Variants in TRIM50 observed in about 807,000 individuals in gnomAD.
TRIM50 encodes the protein E3 ubiquitin-protein ligase TRIM50.
In TRIM50, 34 loss-of-function variants were observed where a neutral mutation model predicts 44.9. That is an observed-to-expected ratio of 0.76 (90% CI 0.58 to 1.01). The LOEUF is 1.01. Ranked by LOEUF, TRIM50 falls within the 50% of genes least tolerant of loss-of-function variation. TRIM50 has a pLI of 0.00. For synonymous variants in TRIM50, 307 were observed against 291.1 expected (o/e 1.05, Z -0.56); for missense variants, 633 against 663.7 (o/e 0.95, Z 0.51).
At chr7:73,316,823 C>A in intron 5 of TRIM50, 134 bp from the exon 6 acceptor site, 2 of 1,352,994 alleles carry the variant, frequency 1.5e-6, no homozygotes, top group Non-Finnish European at 2.0e-6. Flanking sequence ...TGCCCATCAT[C>A]CCCTCCCCTG....
intron 1 of TRIM50, among the ~76,000 whole-genome samples, chr7:73,325,014 ATGTGTGTGTGTGTGTGTG>A (rs3040867): frequency 7.7e-5 from 11 of 142,034 alleles, no homozygotes; most frequent in South Asian, 2.4e-4. Flanking sequence ...CCTTGAAGAT[ATGTGTGTGTGTGTGTGTG>A]TGTGTGTGTG....
chr7:73,324,516 T>C lies in TRIM50; in HGVS notation c.272A>G (p.His91Arg), dbSNP rs782184331. 1.2e-6 allele frequency: 2 copies of C among 1,613,714 alleles called. No individual in the cohort carries two copies. The highest frequency in any genetic ancestry group is 1.3e-5 in the African/African-American group (1 of 74,882). Reference sequence around the variant, plus strand: ...GAAAAGGCTGAGCGGGTTCCGGTGGTGCACGCAGACCTTGGGCTCCGGGTC... The same window carrying C: ...GAAAAGGCTGAGCGGGTTCCGGTGGCGCACGCAGACCTTGGGCTCCGGGTC... Reference protein sequence around the residue: ...PGDPEPKVCVHHRNPLSLFCE... With the variant: ...PGDPEPKVCVRHRNPLSLFCE... The change falls in exon 2 of 7, where the codon CAC (histidine) becomes CGC (arginine). Residue 91 changes from histidine (H) to arginine (R), a missense_variant. Coordinates refer to ENST00000333149, the MANE Select transcript of TRIM50 (RefSeq NM_178125.3).
intron 5 of TRIM50, among the ~76,000 whole-genome samples, chr7:73,317,288 A>T (rs1804385480): frequency 6.6e-6 from 1 of 151,532 alleles, no homozygotes; most frequent in African/African-American, 2.4e-5. Context: ...TCCTGAGCTC[A>T]AGCAATCCAC....
chr7:73,320,879 C>T (rs1388295769), intron 2 of TRIM50, among the ~76,000 whole-genome samples: 1 of 151,402 alleles, frequency 6.6e-6, no homozygotes, highest in Non-Finnish European at 1.5e-5. Context: ...ACAAAATTAG[C>T]CAGGCGTGGT....
intron 3 of TRIM50, among the ~76,000 whole-genome samples, chr7:73,319,272 G>A (rs1804437631): frequency 6.6e-6 from 1 of 152,156 alleles, no homozygotes; most frequent in South Asian, 2.1e-4. Context: ...GTTTCAAATG[G>A]AGAGGCTCTG....
rs868940749 is a variant in TRIM50 at position 73,313,456 on chromosome 7, G to A, written c.929C>T (p.Ser310Phe). Residue 310 changes from serine to phenylalanine, a missense_variant, in exon 7 of 7, where the codon TCC becomes TTC. Coordinates refer to ENST00000333149, the MANE Select transcript of TRIM50 (RefSeq NM_178125.3). The surrounding 1 kb of genome is among the most constrained non-coding windows in gnomAD (Gnocchi z 4.9). ...GCACTGCACCACCGTGTTGCCCTTG[G>A]AGAGCTCCAGGAGTGGGTGGGCAGT... The part of the protein sequence containing the change: ...PATAHPLLEL[S>F]KGNTVVQCGL... 1 of 1,551,010 alleles carries A rather than the reference G, an allele frequency of 6.4e-7. No homozygotes were observed. Among genetic ancestry groups the A allele is most frequent in the Non-Finnish European group, 8.7e-7 (1 of 1,153,970 alleles).
At chr7:73,323,025 A>C (rs1554545298) in intron 2 of TRIM50, among the ~76,000 whole-genome samples, 3 of 152,076 alleles carry the variant, frequency 2.0e-5, no homozygotes, top group African/African-American at 7.2e-5. Flanking sequence ...CTTGCCACAC[A>C]CAGTTGTCAG....
chr7:73,313,116 G>T lies in TRIM50; in HGVS notation c.1269C>A (p.Gly423=). ...GGTCGGCATCGAAGAAGGTGAGTTCGCCCTGCTCATAGTGCAGGTAGAGCC... is the reference window on the plus strand; with the variant it reads ...GGTCGGCATCGAAGAAGGTGAGTTCTCCCTGCTCATAGTGCAGGTAGAGCC... ...RIGLYLHYEQ[G]ELTFFDADRP... The change falls in exon 7 of 7, where the codon GGC becomes GGA. Residue 423 remains glycine, a synonymous_variant. Transcript: ENST00000333149. This position sits in a 1 kb window ranked among gnomAD's most constrained non-coding sequence, Gnocchi z 4.9. The T allele has an allele frequency of 6.3e-7, 1 of 1,593,520 alleles. No homozygotes were observed. Among genetic ancestry groups the T allele is most frequent in the Non-Finnish European group, 8.5e-7 (1 of 1,170,580 alleles).
chr7:73,324,455 G>A lies in TRIM50; in HGVS notation c.333C>T (p.Cys111=), dbSNP rs1169046579. Residue 111 remains cysteine (C), a synonymous_variant, in exon 2 of 7, where the codon TGC becomes TGT. Transcript: ENST00000333149. ...GGTGTTGGTGGGAGCCCAGCAGACC[G>A]CAGAGGCCACAGATGAGCTCCTGGT... ...EKDQELICGL[C]GLLGSHQHHP... 15 of 1,613,424 alleles carry A rather than the reference G, an allele frequency of 9.3e-6. No homozygotes were observed. Among genetic ancestry groups the A allele is most frequent in the Admixed American group, 3.3e-5 (2 of 60,002 alleles).
chr7:73,324,242 C>G (rs1554545491), intron 2 of TRIM50, 147 bp downstream of exon 2: 4 of 1,462,558 alleles, frequency 2.7e-6, no homozygotes, highest in Non-Finnish European at 3.7e-6. Context: ...AGCTGCAGCT[C>G]AAACGCTAAG....
chr7:73,317,107 G>GA (rs1344928620), intron 5 of TRIM50, among the ~76,000 whole-genome samples: 1 of 151,966 alleles, frequency 6.6e-6, no homozygotes, highest in African/African-American at 2.4e-5. Context: ...AGGCTGGAGT[G>GA]CAGTGGCATG....
At chr7:73,317,539 A>C (rs1327956775) in intron 5 of TRIM50, among the ~76,000 whole-genome samples, 1 of 151,292 alleles carries the variant, frequency 6.6e-6, no homozygotes, top group East Asian at 1.9e-4. Context: ...TGTATTTTTC[A>C]TAGAGACGGG....
rs1275911321 is a variant in TRIM50 at position 73,312,862 on chromosome 7, C to A, written c.*59G>T. 4 of 1,370,000 alleles carry A rather than the reference C, an allele frequency of 2.9e-6. No individual in the cohort carries two copies. Among genetic ancestry groups the A allele is most frequent in the Non-Finnish European group, 2.9e-6 (3 of 1,031,916 alleles). 84.9% of individuals were successfully genotyped at this position (1,370,000 alleles called of 1,614,324 possible). A position where few individuals can be genotyped will look rare whatever the true frequency, so the allele number is the denominator to read the frequency against. On this transcript the variant is annotated 3_prime_UTR_variant, in exon 7 of 7. Coordinates refer to ENST00000333149, the MANE Select transcript of TRIM50 (RefSeq NM_178125.3). ...CCTCAGGCGGGACCCAGCAGAAGCC[C>A]GCGAGTCCCCGGTGCCCCGCCGGGA...
intron 6 of TRIM50, chr7:73,314,982 A>C (rs1586474045): frequency 3.0e-6 from 1 of 336,796 alleles, no homozygotes; most frequent in East Asian, 8.4e-5. Flanking sequence ...GGAAGGCAAG[A>C]CTGGGATGTC....
At position 73,313,379 on chromosome 7, in the gene TRIM50, T is replaced by G. The variant is rs1586472295; in HGVS notation, c.1006A>C (p.Thr336Pro). The G allele has an allele frequency of 6.3e-7, 1 of 1,592,116 alleles. No individual in the cohort carries two copies. Among genetic ancestry groups the G allele is most frequent in the Non-Finnish European group, 8.5e-7 (1 of 1,171,246 alleles). The part of the protein sequence containing the change: ...ASQPERFDYS[T>P]CVLASRGFSC... ...AAGCCGCGGCTGGCCAGGACGCAGG[T>G]GCTGTAGTCGAAGCGCTCAGGCTGG... The change falls in exon 7 of 7, where the codon ACC becomes CCC. Residue 336 changes from threonine to proline, a missense_variant. Transcript: ENST00000333149. This position sits in a 1 kb window ranked among gnomAD's most constrained non-coding sequence, Gnocchi z 4.9.
chr7:73,324,239 G>A, intron 2 of TRIM50, 150 bp downstream of exon 2: 5 of 1,453,066 alleles, frequency 3.4e-6, no homozygotes, highest in South Asian at 1.4e-5. Flanking sequence ...TTGAGCTGCA[G>A]CTCAAACGCT....
In TRIM50 at chr7:73,327,927, A is replaced by T. The variant is rs563041576; in HGVS notation, c.-46T>A. 4 of 485,596 alleles carry T rather than the reference A, an allele frequency of 8.2e-6. No homozygotes were observed. Among genetic ancestry groups the T allele is most frequent in the African/African-American group, 7.9e-5 (4 of 50,838 alleles). The allele number at this position is 485,596 out of a possible 1,614,324, so 30.1% of individuals were successfully genotyped here. Reference sequence around the variant, plus strand: ...AGCCTCCGGCCCCTGTAAGTGCCCCATCGTGCTCTCTGTCGCTCCAGTTAG... The same window carrying T: ...AGCCTCCGGCCCCTGTAAGTGCCCCTTCGTGCTCTCTGTCGCTCCAGTTAG... On this transcript the variant is annotated 5_prime_UTR_variant, in exon 1 of 7. An upstream start codon of the reference 5' UTR is lost. Transcript: ENST00000333149.
chr7:73,322,499 T>G (rs1804519799), intron 2 of TRIM50, among the ~76,000 whole-genome samples: 1 of 152,180 alleles, frequency 6.6e-6, no homozygotes. Context: ...CTTCCTCACC[T>G]GCAGTCAGCT....
chr7:73,324,701 C>T lies in TRIM50; in HGVS notation c.87G>A (p.Leu29=), dbSNP rs782091649. 1.2e-6 allele frequency: 2 copies of T among 1,614,234 alleles called. No individual in the cohort carries two copies. The highest frequency in any genetic ancestry group is 1.1e-5 in the South Asian group (1 of 91,090). Residue 29 remains leucine, a synonymous_variant, in exon 2 of 7, where the codon CTG becomes CTA. Coordinates refer to ENST00000333149, the MANE Select transcript of TRIM50 (RefSeq NM_178125.3). ...CLEVFKEPLM[L]QCGHSYCKGC... The stretch of plus-strand genomic sequence containing the variant: ...CCTTGCAGTAAGAGTGGCCACACTG[C>T]AGCATCAGGGGCTCCTTGAAGACCT...
Sources: allele counts gnomAD v4.1 joint callset (sites outside exome capture counted in the v4.1 genomes callset), GRCh38; gene constraint gnomAD v4.1.1; non-coding constraint Gnocchi (gnomAD v3.1); transcripts MANE v1.5; gene names NCBI Gene and HGNC (gene_info 2026-07-23, HGNC 2026-07-21).